The following POF1B variants were observed in gnomAD, a reference collection of about 807,000 sequenced individuals.
POF1B encodes the protein protein POF1B.
Under a neutral mutation model 55.3 loss-of-function variants are expected in POF1B, and 53 were observed. That is an observed-to-expected ratio of 0.96 (90% CI 0.77 to 1.20). The LOEUF is 1.20. Among genes scored for constraint, POF1B ranks in the 50% most tolerant of loss-of-function variants. POF1B has a pLI of 0.00. For missense variants in POF1B, 478 were observed against 420.5 expected (o/e 1.14, Z -1.20); for synonymous variants, 188 against 148.3 (o/e 1.27, Z -1.95).
At chrX:85,368,731 T>C (rs1933771914) in intron 2 of POF1B, among the ~76,000 whole-genome samples, 1 of 111,557 alleles carries the variant, frequency 9.0e-6, no homozygotes, top group African/African-American at 3.3e-5. Flanking sequence ...TCCAATAAAA[T>C]GATCAATCTG....
intron 6 of POF1B, among the ~76,000 whole-genome samples, chrX:85,336,080 TTCCACAA>T: frequency 9.0e-6 from 1 of 110,915 alleles, no homozygotes; most frequent in Non-Finnish European, 1.9e-5. Context: ...GTATTTTAGT[TTCCACAA>T]ATAAGTGAAA....
At position 85,279,063 on chromosome X, in the gene POF1B, G is replaced by A. The variant is rs2035760340; in HGVS notation, c.*358C>T. 1 of 155,089 alleles carries A rather than the reference G, an allele frequency of 6.4e-6. No homozygotes were observed. The highest frequency in any genetic ancestry group is 3.1e-5 in the African/African-American group (1 of 32,544). The allele number at this position is 155,089 out of a possible 1,213,427, so 12.8% of individuals were successfully genotyped here. A position where few individuals can be genotyped will look rare whatever the true frequency, so the allele number is the denominator to read the frequency against. Reference sequence around the variant, plus strand: ...ATCAGAGAAAATCTTCTAATGGCATGACTTGTAAAATCTCTACCCCAACAA... The same window carrying A: ...ATCAGAGAAAATCTTCTAATGGCATAACTTGTAAAATCTCTACCCCAACAA... On this transcript the variant is annotated 3_prime_UTR_variant, in exon 17 of 17. Transcript: ENST00000262753.
At chrX:85,303,699 G>C (rs1932510241) in intron 14 of POF1B, among the ~76,000 whole-genome samples, 1 of 110,851 alleles carries the variant, frequency 9.0e-6, no homozygotes, top group South Asian at 3.8e-4. Flanking sequence ...ATATGCCGGT[G>C]CAGGAACCTG....
rs774201270 is a variant in POF1B at position 85,379,429 on chromosome X, G to A, written c.26C>T (p.Thr9Met). The change falls in exon 2 of 17, where the codon ACG (threonine) becomes ATG (methionine). Residue 9 changes from threonine (T) to methionine (M), a missense_variant. Coordinates refer to ENST00000262753, the MANE Select transcript of POF1B (RefSeq NM_024921.4). ...CTGGGTTCCACAGCTGCTGCTGCTC[G>A]TCTCACTCCAATAGCTCGAGCTCAT... is the stretch of plus-strand genomic sequence containing the variant. MSSSYWSE[T>M]SSSSCGTQQL... 7.5e-6 allele frequency: 9 copies of A among 1,206,756 alleles called. No individual in the cohort carries two copies. In the South Asian group the frequency reaches 1.1e-4, roughly 14 times the overall value.
At chrX:85,287,324 TCACTAAAATTGA>T (rs1429730157) in intron 15 of POF1B, among the ~76,000 whole-genome samples, 1 of 111,172 alleles carries the variant, frequency 9.0e-6, no homozygotes, top group East Asian at 2.8e-4. Flanking sequence ...TTCAAGTATA[TCACTAAAATTGA>T]CACAACTCTA....
intron 16 of POF1B, 56 bp downstream of exon 16, chrX:85,282,147 T>C (rs1931914248): frequency 9.4e-7 from 1 of 1,059,062 alleles, no homozygotes; most frequent in Middle Eastern, 2.8e-4. Context: ...ACCTCAATTT[T>C]AAAAGGCTGT....
At chrX:85,297,538 A>G (rs1932334349) in intron 15 of POF1B, among the ~76,000 whole-genome samples, 1 of 112,347 alleles carries the variant, frequency 8.9e-6, no homozygotes, top group Non-Finnish European at 1.9e-5. Flanking sequence ...CTTGGGTTTC[A>G]CAGGCAATGT....
chrX:85,303,723 A>G (rs760513391), intron 14 of POF1B, among the ~76,000 whole-genome samples: 3 of 111,196 alleles, frequency 2.7e-5, no homozygotes, highest in Admixed American at 9.6e-5. Flanking sequence ...CTGATACAGG[A>G]TATCTAAATT....
intron 7 of POF1B, among the ~76,000 whole-genome samples, chrX:85,323,302 G>A (rs1049352678): frequency 9.1e-6 from 1 of 110,217 alleles, no homozygotes; most frequent in Non-Finnish European, 1.9e-5. Flanking sequence ...GTAGGGACAT[G>A]GATGAAATTG....
At chrX:85,286,499 T>C (rs954790263) in intron 15 of POF1B, among the ~76,000 whole-genome samples, 1 of 111,434 alleles carries the variant, frequency 9.0e-6, no homozygotes, top group African/African-American at 3.2e-5. Context: ...ATTGTTAAAT[T>C]TGATAAAAAC....
chrX:85,358,094 TAG>T (rs372520144), intron 4 of POF1B, among the ~76,000 whole-genome samples: 23 of 111,201 alleles, frequency 2.1e-4, no homozygotes, highest in African/African-American at 6.5e-4. Flanking sequence ...CCAGAAAAGA[TAG>T]AGAGTGATGA....
intron 6 of POF1B, among the ~76,000 whole-genome samples, chrX:85,345,351 A>G (rs188927228): frequency 8.6e-4 from 96 of 111,594 alleles, no homozygotes; most frequent in Non-Finnish European, 1.2e-3. Flanking sequence ...TATTTTGTCA[A>G]TGTGATACAT....
chrX:85,293,208 A>G (rs976154227), intron 15 of POF1B, among the ~76,000 whole-genome samples: 1 of 112,274 alleles, frequency 8.9e-6, no homozygotes, highest in Non-Finnish European at 1.9e-5. Context: ...TTCAATTGTA[A>G]AGATGCATTT....
intron 6 of POF1B, among the ~76,000 whole-genome samples, chrX:85,344,828 G>A (rs1448848568): frequency 9.0e-6 from 1 of 111,238 alleles, no homozygotes; most frequent in Non-Finnish European, 1.9e-5. Flanking sequence ...TGTTGCTCAG[G>A]CTTGTCTTGA....
At chrX:85,307,982 T>G (rs1953405826) in intron 10 of POF1B, 142 bp downstream of exon 10, 1 of 336,006 alleles carries the variant, frequency 3.0e-6, no homozygotes, top group African/African-American at 2.6e-5. Context: ...ATTAACTGTT[T>G]GAAGAAAATA....
intron 5 of POF1B, among the ~76,000 whole-genome samples, chrX:85,346,550 A>T (rs1047622718): frequency 3.6e-5 from 4 of 110,278 alleles, no homozygotes; most frequent in African/African-American, 1.3e-4. Context: ...TAAAAAGATT[A>T]AAAAAACCAG....
chrX:85,304,416 T>C lies in POF1B; in HGVS notation c.1493A>G (p.Asp498Gly). 1 of 1,192,214 alleles carries C rather than the reference T, an allele frequency of 8.4e-7. No individual in the cohort carries two copies. The highest frequency in any genetic ancestry group is 2.3e-4 in the Middle Eastern group (1 of 4,295). The change falls in exon 14 of 17, where the codon GAC becomes GGC. Residue 498 changes from aspartate to glycine, a missense_variant. Transcript: ENST00000262753. ...CAGTTCATGAAGCTTAAATTGGAAG[T>C]CACTACAACTTCCTTCTCTCTTTGA... ...DVSKREGSCS[D>G]FQFKLHELTS...
intron 7 of POF1B, among the ~76,000 whole-genome samples, chrX:85,328,762 A>T (rs1243155087): frequency 9.1e-6 from 1 of 109,525 alleles, no homozygotes; most frequent in Admixed American, 9.9e-5. Flanking sequence ...ACATGTCTTA[A>T]CTCATTTATT....
chrX:85,316,952 A>T (rs755855989), intron 7 of POF1B, among the ~76,000 whole-genome samples: 1 of 110,547 alleles, frequency 9.0e-6, no homozygotes, highest in South Asian at 3.9e-4. Context: ...TTTAGCTCCC[A>T]CTTATAAGTA....
Sources: gnomAD v4.1 joint callset for allele counts (sites outside exome capture counted in the v4.1 genomes callset) on GRCh38, gnomAD v4.1.1 for gene constraint, MANE v1.5 for transcripts, NCBI Gene and HGNC (gene_info 2026-07-23, HGNC 2026-07-21) for gene names.